SLCO5A1: variants seen among roughly 807,000 people sequenced by gnomAD.
The protein encoded by SLCO5A1 is solute carrier organic anion transporter family member 5A1, also known as organic anion transporter polypeptide-related protein 4.
In SLCO5A1, 39 loss-of-function variants were observed where a neutral mutation model predicts 65.1. The ratio of observed to expected loss-of-function variants is 0.60; its 90% CI spans 0.46 to 0.78. SLCO5A1 has a LOEUF of 0.78. Among genes scored for constraint, SLCO5A1 ranks in the 30% least tolerant of loss-of-function variants. The pLI is 0.00. For synonymous variants in SLCO5A1, 438 were observed against 415.7 expected (o/e 1.05, Z -0.65); for missense variants, 1,029 against 1,069.4 (o/e 0.96, Z 0.53).
chr8:69,698,289 C>T (rs1365906021), intron 6 of SLCO5A1, among the ~76,000 whole-genome samples: 1 of 152,102 alleles, frequency 6.6e-6, no homozygotes, highest in Non-Finnish European at 1.5e-5. Context: ...CATGTATTTG[C>T]TATTGTGAAT....
At position 69,792,957 on chromosome 8, in the gene SLCO5A1, T is replaced by C. The variant is rs1716022616; in HGVS notation, c.908-31082A>G. On this transcript the variant is annotated intron_variant, in intron 2 of 9. Coordinates refer to ENST00000260126, the MANE Select transcript of SLCO5A1 (RefSeq NM_030958.3). ...TTTTTTCGTTTGTTTGTTTTTGTTGTTGTTGTTGTTTGGTTTTTTTGTTTT... is the reference window on the plus strand; with the variant it reads ...TTTTTTCGTTTGTTTGTTTTTGTTGCTGTTGTTGTTTGGTTTTTTTGTTTT... 2.0e-5 allele frequency among the ~76,000 whole-genome samples: 3 copies of C among 152,078 alleles called. No individual in the cohort carries two copies. In the Middle Eastern group the frequency reaches 0.01, roughly 517 times the overall value.
chr8:69,756,368 G>A (rs139262010), intron 3 of SLCO5A1, among the ~76,000 whole-genome samples: 2 of 152,162 alleles, frequency 1.3e-5, no homozygotes, highest in East Asian at 3.9e-4. Flanking sequence ...TCAGGCCACT[G>A]CACTCCACAC....
intron 2 of SLCO5A1, among the ~76,000 whole-genome samples, chr8:69,771,186 G>A (rs763574657): frequency 6.6e-6 from 1 of 152,092 alleles, no homozygotes; most frequent in Non-Finnish European, 1.5e-5. Context: ...GTTCCACCGT[G>A]TTGGCCAGGC....
intron 4 of SLCO5A1, among the ~76,000 whole-genome samples, chr8:69,754,439 A>T (rs1817459111): frequency 6.6e-6 from 1 of 152,226 alleles, no homozygotes; most frequent in Non-Finnish European, 1.5e-5. Flanking sequence ...CCAGGCTGGA[A>T]ATGTTCCTCT....
chr8:69,716,386 A>G (rs1391713352), intron 5 of SLCO5A1, among the ~76,000 whole-genome samples: 1 of 152,228 alleles, frequency 6.6e-6, no homozygotes, highest in African/African-American at 2.4e-5. Context: ...TCTGTGTTTG[A>G]GGAAGTACCA....
At chr8:69,761,657 T>G in intron 3 of SLCO5A1, 86 bp downstream of exon 3, 2 of 1,467,002 alleles carry the variant, frequency 1.4e-6, no homozygotes, top group Non-Finnish European at 1.8e-6. Context: ...TGTCTCCCCA[T>G]TGGAAAAATT....
chr8:69,726,338 C>T (rs1283553359), intron 5 of SLCO5A1, among the ~76,000 whole-genome samples: 4 of 152,062 alleles, frequency 2.6e-5, no homozygotes, highest in Non-Finnish European at 4.4e-5. Context: ...AAACATTTGA[C>T]CCTGACCCTA....
chr8:69,768,371 C>A (rs1474088393), intron 2 of SLCO5A1, among the ~76,000 whole-genome samples: 1 of 152,208 alleles, frequency 6.6e-6, no homozygotes, highest in African/African-American at 2.4e-5. Flanking sequence ...CCAACCTTGG[C>A]AAGATGTACA....
intron 2 of SLCO5A1, among the ~76,000 whole-genome samples, chr8:69,786,804 T>A (rs764999281): frequency 6.6e-6 from 1 of 152,210 alleles, no homozygotes; most frequent in East Asian, 1.9e-4. Context: ...TGTCAAATAT[T>A]TGGAGAAAGC....
chr8:69,768,775 TG>T (rs1291213231), intron 2 of SLCO5A1, among the ~76,000 whole-genome samples: 2 of 152,102 alleles, frequency 1.3e-5, no homozygotes, highest in Non-Finnish European at 2.9e-5. Flanking sequence ...ACAATCACAC[TG>T]GGGGTCAAGG....
intron 6 of SLCO5A1, among the ~76,000 whole-genome samples, chr8:69,688,800 G>A (rs554925851): frequency 3.1e-3 from 473 of 152,210 alleles, no homozygotes; most frequent in African/African-American, 0.01. Flanking sequence ...ATAAACATAC[G>A]TGTGCATGTG....
At chr8:69,720,614 C>A (rs1401485386) in intron 5 of SLCO5A1, among the ~76,000 whole-genome samples, 1 of 152,116 alleles carries the variant, frequency 6.6e-6, no homozygotes, top group Non-Finnish European at 1.5e-5. Flanking sequence ...AAGTTTCAAC[C>A]CATTGGAACA....
At chr8:69,763,504 A>T (rs970089926) in intron 2 of SLCO5A1, among the ~76,000 whole-genome samples, 3 of 150,788 alleles carry the variant, frequency 2.0e-5, no homozygotes. Flanking sequence ...AATCCCAGCT[A>T]TGCTGGGTGG....
intron 2 of SLCO5A1, 67 bp from the exon 3 acceptor site, chr8:69,761,942 T>G: frequency 6.4e-7 from 1 of 1,566,776 alleles, no homozygotes; most frequent in Non-Finnish European, 8.7e-7. Flanking sequence ...GTTCTCTCAT[T>G]TCACTCTCAT....
chr8:69,817,824 C>T (rs917291872), intron 2 of SLCO5A1, among the ~76,000 whole-genome samples: 3 of 152,184 alleles, frequency 2.0e-5, no homozygotes, highest in African/African-American at 7.2e-5. Flanking sequence ...TGTCACCAAA[C>T]TCCCAATTCA....
chr8:69,816,087 G>C (rs1226354912), intron 2 of SLCO5A1, among the ~76,000 whole-genome samples: 1 of 152,080 alleles, frequency 6.6e-6, no homozygotes, highest in Admixed American at 6.6e-5. Flanking sequence ...CTAGTTCCAA[G>C]ATATAAGGAA....
chr8:69,719,374 G>A (rs16936369), intron 5 of SLCO5A1, among the ~76,000 whole-genome samples: 8,141 of 152,152 alleles, frequency 0.054, 752 homozygotes, highest in African/African-American at 0.18. Context: ...GAGCATCTGT[G>A]GAGAACATCA....
chr8:69,728,648 G>T (rs1816197667), intron 5 of SLCO5A1, among the ~76,000 whole-genome samples: 1 of 152,060 alleles, frequency 6.6e-6, no homozygotes, highest in South Asian at 2.1e-4. Flanking sequence ...ATGTCTTATG[G>T]TTTATGGTTA....
chr8:69,793,172 C>T (rs965679464), intron 2 of SLCO5A1, among the ~76,000 whole-genome samples: 6 of 151,978 alleles, frequency 3.9e-5, no homozygotes, highest in Non-Finnish European at 7.4e-5. Flanking sequence ...TTAGTAGAAA[C>T]GGGGTTTCAC....
Sources: gnomAD v4.1 joint callset for allele counts (sites outside exome capture counted in the v4.1 genomes callset) on GRCh38, gnomAD v4.1.1 for gene constraint, MANE v1.5 for transcripts, NCBI Gene and HGNC (gene_info 2026-07-23, HGNC 2026-07-21) for gene names.